VPS13D: variants seen among roughly 807,000 people sequenced by gnomAD.
VPS13D encodes intermembrane lipid transfer protein VPS13D.
A neutral mutation model predicts 461.9 loss-of-function variants in VPS13D; 187 were observed. The observed-to-expected ratio is 0.40, with a 90% confidence interval of 0.36 to 0.46. The LOEUF (loss-of-function observed/expected upper bound fraction) is 0.46. Ranked by LOEUF, VPS13D falls within the 20% of genes least tolerant of loss-of-function variation. VPS13D has a pLI of 0.60. For synonymous variants in VPS13D, 1,951 were observed against 1,986.3 expected, an observed-to-expected ratio of 0.98 and a Z score of 0.47; for missense variants, 4,711 against 5,364.9, an observed-to-expected ratio of 0.88 and a Z score of 3.81.
At chr1:12,328,359 C>T (rs1353778057) in intron 36 of VPS13D, among the ~76,000 whole-genome samples, 4 of 134,208 alleles carry the variant, frequency 3.0e-5, no homozygotes, top group East Asian at 2.1e-4. Context: ...GTACTCTATC[C>T]TTTTTTTTTT....
chr1:12,498,796 C>T (rs143303739), intron 68 of VPS13D, among the ~76,000 whole-genome samples: 39 of 152,282 alleles, frequency 2.6e-4, no homozygotes, highest in African/African-American at 9.4e-4. Context: ...TGTGTCCCCA[C>T]ATTGCAGAGA....
intron 60 of VPS13D, among the ~76,000 whole-genome samples, chr1:12,398,858 G>A (rs943516538): frequency 4.6e-5 from 7 of 152,212 alleles, no homozygotes; most frequent in African/African-American, 1.2e-4. Context: ...GAGAAGCATC[G>A]ATAGCATAGT....
In VPS13D at chr1:12,341,840, C is replaced by CG; in HGVS notation, c.8691dup (p.Cys2898ValfsTer36). On this transcript the variant is annotated frameshift_variant, in exon 41 of 70. Coordinates refer to ENST00000620676, the MANE Select transcript of VPS13D (RefSeq NM_015378.4). LOFTEE classifies it high-confidence loss of function. Reference sequence around the variant, plus strand: ...GTCCCCTTTGCTCTGAGGAACCACACGGGGTGCACTTTGTGGTTTGCCACC... The same window carrying CG: ...GTCCCCTTTGCTCTGAGGAACCACACGGGGGTGCACTTTGTGGTTTGCCACC... The CG allele has an allele frequency of 4.3e-6, 7 of 1,614,056 alleles. No individual in the cohort carries two copies. The highest frequency in any genetic ancestry group is 5.9e-6 in the Non-Finnish European group (7 of 1,179,976).
At chr1:12,332,049 T>A (rs896826581) in intron 37 of VPS13D, among the ~76,000 whole-genome samples, 2 of 152,208 alleles carry the variant, frequency 1.3e-5, no homozygotes, top group Non-Finnish European at 2.9e-5. Flanking sequence ...TAGCAAAAAT[T>A]AAGTGGGACA....
At chr1:12,441,814 A>G (rs752108592) in intron 65 of VPS13D, among the ~76,000 whole-genome samples, 36 of 152,188 alleles carry the variant, frequency 2.4e-4, no homozygotes, top group Non-Finnish European at 5.9e-5. Context: ...TCTAAAGTCT[A>G]TGTGGAAGGA....
In VPS13D at chr1:12,396,463, A is replaced by G. The variant is rs188202716; in HGVS notation, c.11635-3718A>G. 2.3e-3 allele frequency among the ~76,000 whole-genome samples: 354 copies of G among 152,282 alleles called. 1 individual carries two copies. Among genetic ancestry groups the G allele is most frequent in the Admixed American group, 4.5e-3 (69 of 15,302 alleles). ...TTAGTGTGCTATCAGAACAACTTCT[A>G]TCTGTTTGTAACATCATACTTGGAA... On this transcript the variant is annotated intron_variant, in intron 60 of 69. Coordinates refer to ENST00000620676, the MANE Select transcript of VPS13D (RefSeq NM_015378.4).
At chr1:12,322,480 T>C (rs1051848730) in intron 33 of VPS13D, 56 bp from the exon 34 acceptor site, 61 of 1,527,164 alleles carry the variant, frequency 4.0e-5, no homozygotes, top group African/African-American at 6.9e-5. Context: ...GTAAGAGATA[T>C]GGATGTAAAA....
At chr1:12,465,858 C>T (rs894310736) in intron 67 of VPS13D, among the ~76,000 whole-genome samples, 9 of 152,114 alleles carry the variant, frequency 5.9e-5, no homozygotes, top group East Asian at 1.9e-4. Flanking sequence ...GCAAAGAGGC[C>T]GGGTGTGGTG....
At chr1:12,489,329 A>T (rs2100515387) in intron 67 of VPS13D, among the ~76,000 whole-genome samples, 2 of 152,336 alleles carry the variant, frequency 1.3e-5, no homozygotes, top group Middle Eastern at 3.4e-3. Flanking sequence ...TAAACAAGTC[A>T]GGTGTGAATC....
intron 50 of VPS13D, among the ~76,000 whole-genome samples, chr1:12,361,454 GGC>G (rs1171769346): frequency 6.8e-6 from 1 of 146,574 alleles, no homozygotes; most frequent in African/African-American, 2.5e-5. Context: ...GGAGTGCAGT[GGC>G]GGGATCTCGG....
Position 12,299,798 on chromosome 1 carries a change from A to G in VPS13D, c.6216+414A>G, listed in dbSNP as rs1642369231. On this transcript the variant is annotated intron_variant, in intron 25 of 69. Transcript: ENST00000620676. The surrounding 1 kb of genome is among the most constrained non-coding windows in gnomAD (Gnocchi z 4.2). Reference sequence around the variant, plus strand: ...CGTTTTAGACTCTGTGGCTTTTTTCAGAGGACGTGATTGGCCCGTGGTTTA... The same window carrying G: ...CGTTTTAGACTCTGTGGCTTTTTTCGGAGGACGTGATTGGCCCGTGGTTTA... 6.6e-6 allele frequency among the ~76,000 whole-genome samples: 1 copy of G among 152,002 alleles called. No homozygotes were observed. Among genetic ancestry groups the G allele is most frequent in the African/African-American group, 2.4e-5 (1 of 41,398 alleles).
chr1:12,490,346 T>C (rs1429451033), intron 67 of VPS13D, among the ~76,000 whole-genome samples: 1 of 152,210 alleles, frequency 6.6e-6, no homozygotes, highest in Non-Finnish European at 1.5e-5. Flanking sequence ...ATACTATCTT[T>C]GAGTGGGTTC....
chr1:12,284,658 T>C (rs1419193893), intron 21 of VPS13D, among the ~76,000 whole-genome samples: 2 of 152,206 alleles, frequency 1.3e-5, no homozygotes, highest in African/African-American at 4.8e-5. Context: ...CTCAAGGATG[T>C]TCTTTATCCA....
chr1:12,447,950 G>C (rs1432491379), intron 65 of VPS13D, among the ~76,000 whole-genome samples: 1 of 152,208 alleles, frequency 6.6e-6, no homozygotes, highest in Non-Finnish European at 1.5e-5. Flanking sequence ...AGTTTAGGAT[G>C]AGACATGCAA....
At chr1:12,340,518 G>A (rs1201117029) in intron 40 of VPS13D, among the ~76,000 whole-genome samples, 4 of 152,218 alleles carry the variant, frequency 2.6e-5, no homozygotes, top group Admixed American at 6.5e-5. Flanking sequence ...ATTACCGACT[G>A]TTATGATACA....
Position 12,266,907 on chromosome 1 carries a change from C to A in VPS13D, c.1621C>A (p.Pro541Thr). ...TGTAAAACTTCTAGCAGAGTCTCTT[C>A]CTCGAAGAAATTCCTCGTTGCTTTC... ...SDVKLLAESLPRRNSSLLSVR... is the reference protein window; with the variant it reads ...SDVKLLAESLTRRNSSLLSVR... Residue 541 changes from proline (P) to threonine (T), a missense_variant, in exon 14 of 70, where the codon CCT (proline) becomes ACT (threonine). Physicochemically the swap from Pro to Thr is conservative, Grantham distance 38. This residue lies in a region of VPS13D where 4,411 missense variants were observed against 4,937.8 expected (regional missense o/e 0.89). Transcript: ENST00000620676. 1 of 1,603,412 alleles carries A rather than the reference C, an allele frequency of 6.2e-7. No homozygotes were observed. The highest frequency in any genetic ancestry group is 8.5e-7 in the Non-Finnish European group (1 of 1,176,288).
At chr1:12,271,530 A>T (rs1641439339) in intron 17 of VPS13D, among the ~76,000 whole-genome samples, 1 of 151,918 alleles carries the variant, frequency 6.6e-6, no homozygotes, top group African/African-American at 2.4e-5. Context: ...TTAGCTGGGC[A>T]TGGTGGTGGG....
At chr1:12,447,056 C>T (rs114586573) in intron 65 of VPS13D, among the ~76,000 whole-genome samples, 1,793 of 152,252 alleles carry the variant, frequency 0.012, 45 homozygotes, top group African/African-American at 0.041. Context: ...GGATATGGAT[C>T]AAGAAAGAAC....
rs1557737833 is a variant in VPS13D at position 12,369,560 on chromosome 1, C to CCCACCTTG, written c.10674_10681dup (p.Phe3561CysfsTer7). 1 of 1,614,146 alleles carries CCCACCTTG rather than the reference C, an allele frequency of 6.2e-7. No individual in the cohort carries two copies. Among genetic ancestry groups the CCCACCTTG allele is most frequent in the Non-Finnish European group, 8.5e-7 (1 of 1,180,030 alleles). On this transcript the variant is annotated frameshift_variant, in exon 54 of 70. Coordinates refer to ENST00000620676, the MANE Select transcript of VPS13D (RefSeq NM_015378.4). LOFTEE classifies it high-confidence loss of function. ...TTCATTGGATTATGCCTGGGACGAA[C>CCCACCTTG]CCACCTTGCCACCTTTTATCACTCT...
Sources: allele counts gnomAD v4.1 joint callset (sites outside exome capture counted in the v4.1 genomes callset), GRCh38; gene constraint gnomAD v4.1.1; regional missense constraint gnomAD v4.1.1; non-coding constraint Gnocchi (gnomAD v3.1); transcripts MANE v1.5; gene names NCBI Gene and HGNC (gene_info 2026-07-23, HGNC 2026-07-21).